The following OR6N1 variants were observed in gnomAD, a reference collection of about 807,000 sequenced individuals.
The protein encoded by OR6N1 is olfactory receptor family 6 subfamily N member 1, also known as olfactory receptor 6N1.
For missense variants in OR6N1, 394 were observed against 371.7 expected (o/e 1.06, Z -0.49); for synonymous variants, 170 against 150.7 (o/e 1.13, Z -0.94).
chr1:158,833,503 T>C, the OR6N1 span, among the ~76,000 whole-genome samples: 1 of 152,196 alleles, frequency 6.6e-6, no homozygotes, highest in Non-Finnish European at 1.5e-5. Flanking sequence ...CCTCCAGAGC[T>C]TGGCAAACAT....
At chr1:158,787,620 ATCTC>A in the OR6N1 span, among the ~76,000 whole-genome samples, 2 of 122,574 alleles carry the variant, frequency 1.6e-5, no homozygotes, top group Admixed American at 7.9e-5. Context: ...CTATCTCTCT[ATCTC>A]TCTCTCTCTC....
At chr1:158,769,124 T>C (rs1327799327) in intron 1 of OR6N1, among the ~76,000 whole-genome samples, 2 of 152,168 alleles carry the variant, frequency 1.3e-5, no homozygotes, top group African/African-American at 4.8e-5. Flanking sequence ...GGGCTGGATA[T>C]GGAGATAAAT....
rs556793861 is a variant in OR6N1 at position 158,766,823 on chromosome 1, A to G, written c.-18-123T>C. 28 of 627,616 alleles carry G rather than the reference A, an allele frequency of 4.5e-5. 1 individual carries two copies. In the South Asian group the frequency reaches 5.6e-4, roughly 13 times the overall value. The allele number at this position is 627,616 out of a possible 1,614,324, so 38.9% of individuals were successfully genotyped here. ...CTCCAGAGTAAAGCCCTCTAAGTAA[A>G]TGCTTTGAGAGGTCAACATTTCAAT... On this transcript the variant is annotated intron_variant, in intron 1 of 1. Coordinates refer to ENST00000641846, the MANE Select transcript of OR6N1 (RefSeq NM_001005185.2).
At chr1:158,770,765 CAT>C (rs1657405151) in intron 1 of OR6N1, among the ~76,000 whole-genome samples, 1 of 152,176 alleles carries the variant, frequency 6.6e-6, no homozygotes, top group South Asian at 2.1e-4. Flanking sequence ...AGCAAAAACT[CAT>C]ATCTTCTCAC....
chr1:158,766,714 G>A lies in OR6N1; in HGVS notation c.-18-14C>T. The A allele has an allele frequency of 6.5e-7, 1 of 1,529,650 alleles. No homozygotes were observed. The highest frequency in any genetic ancestry group is 8.9e-7 in the Non-Finnish European group (1 of 1,125,776). 94.8% of individuals were successfully genotyped at this position (1,529,650 alleles called of 1,614,324 possible). A position where few individuals can be genotyped will look rare whatever the true frequency, so the allele number is the denominator to read the frequency against. On this transcript the variant is annotated splice_polypyrimidine_tract_variant and intron_variant, in intron 1 of 1. Coordinates refer to ENST00000641846, the MANE Select transcript of OR6N1 (RefSeq NM_001005185.2). ...CCATTCATGTCCCTAGATGTGAAGT[G>A]TGGAAGGATAGGAAAGAAAGTTGAA...
the OR6N1 span, among the ~76,000 whole-genome samples, chr1:158,817,524 C>A: frequency 6.6e-6 from 1 of 152,208 alleles, no homozygotes; most frequent in Non-Finnish European, 1.5e-5. Context: ...TTTTCTAGTG[C>A]TGCTTTTTGG....
At chr1:158,779,464 G>A in the OR6N1 span, among the ~76,000 whole-genome samples, 1 of 152,152 alleles carries the variant, frequency 6.6e-6, no homozygotes, top group African/African-American at 2.4e-5. Context: ...ATAATTAGTA[G>A]ACCAATACTT....
chr1:158,796,959 G>A, the OR6N1 span, among the ~76,000 whole-genome samples: 4 of 151,848 alleles, frequency 2.6e-5, no homozygotes, highest in East Asian at 7.7e-4. Flanking sequence ...TGTTTTAGCA[G>A]GTGTTCAGAG....
chr1:158,822,032 T>C, the OR6N1 span, among the ~76,000 whole-genome samples: 9 of 152,332 alleles, frequency 5.9e-5, no homozygotes, highest in African/African-American at 2.2e-4. Flanking sequence ...ATATATGATG[T>C]TGAGCATCTT....
chr1:158,793,586 C>A, the OR6N1 span, among the ~76,000 whole-genome samples: 1 of 152,188 alleles, frequency 6.6e-6, no homozygotes, highest in Non-Finnish European at 1.5e-5. Context: ...GTAACTTTCT[C>A]AGATGCTGGT....
the OR6N1 span, among the ~76,000 whole-genome samples, chr1:158,805,703 A>G: frequency 6.6e-6 from 1 of 152,228 alleles, no homozygotes; most frequent in Non-Finnish European, 1.5e-5. Context: ...ATGAAAGGCA[A>G]GGGGAGTTTG....
the OR6N1 span, among the ~76,000 whole-genome samples, chr1:158,784,963 G>T: frequency 2.0e-5 from 3 of 152,018 alleles, no homozygotes; most frequent in African/African-American, 7.3e-5. Flanking sequence ...AATCACAATA[G>T]CCATGATATA....
chr1:158,777,134 A>G (rs776689222), upstream of OR6N1: 2 of 1,614,170 alleles, frequency 1.2e-6, no homozygotes, highest in Non-Finnish European at 8.5e-7. Flanking sequence ...TAAGCACAAA[A>G]TGGGAGCTGG....
chr1:158,766,090 A>T lies in OR6N1; in HGVS notation c.593T>A (p.Val198Glu). The change falls in exon 2 of 2, where the codon GTA (valine) becomes GAA (glutamate). Residue 198 changes from valine to glutamate, a missense_variant. Coordinates refer to ENST00000641846, the MANE Select transcript of OR6N1 (RefSeq NM_001005185.2). ...CTTGCAGGAATTTATAACAAAATCT[A>T]CTAGGACATTTATAGACGTATCAGT... ...ACTDTSINVL[V>E]DFVINSCKIL... 1 of 1,614,160 alleles carries T rather than the reference A, an allele frequency of 6.2e-7. No homozygotes were observed. Among genetic ancestry groups the T allele is most frequent in the Non-Finnish European group, 8.5e-7 (1 of 1,180,012 alleles).
At chr1:158,795,111 TG>T in the OR6N1 span, among the ~76,000 whole-genome samples, 1 of 152,184 alleles carries the variant, frequency 6.6e-6, no homozygotes. Flanking sequence ...CCCTGGCTGC[TG>T]GGGTAATGTT....
chr1:158,834,183 C>T, the OR6N1 span, among the ~76,000 whole-genome samples: 2 of 151,274 alleles, frequency 1.3e-5, no homozygotes, highest in African/African-American at 4.8e-5. Flanking sequence ...TGCTTATTGG[C>T]CATTTGTATA....
the OR6N1 span, among the ~76,000 whole-genome samples, chr1:158,791,805 T>C: frequency 6.6e-6 from 1 of 152,336 alleles, no homozygotes; most frequent in African/African-American, 2.4e-5. Context: ...ACTTCTTTTC[T>C]GGCCTATCAT....
chr1:158,797,332 G>A, the OR6N1 span, among the ~76,000 whole-genome samples: 2 of 152,158 alleles, frequency 1.3e-5, no homozygotes, highest in African/African-American at 4.8e-5. Context: ...CTGTGAATCA[G>A]GGGAAATTTC....
chr1:158,780,361 A>T, the OR6N1 span, among the ~76,000 whole-genome samples: 11 of 152,298 alleles, frequency 7.2e-5, no homozygotes, highest in African/African-American at 2.6e-4. Flanking sequence ...TGGACCCCAA[A>T]TTATTGCATG....
Sources: allele counts gnomAD v4.1 joint callset (sites outside exome capture counted in the v4.1 genomes callset), GRCh38; gene constraint gnomAD v4.1.1; transcripts MANE v1.5; gene names NCBI Gene and HGNC (gene_info 2026-07-23, HGNC 2026-07-21).